Variants in NUP107 observed in about 807,000 individuals in gnomAD.
The protein encoded by NUP107 is nucleoporin 107, also known as nuclear pore complex protein Nup107.
NUP107 carries 101 observed loss-of-function variants against 141.0 expected under a neutral mutation model. The ratio of observed to expected loss-of-function variants is 0.72; its 90% CI spans 0.61 to 0.84. NUP107 has a LOEUF of 0.84. Ranked by LOEUF, NUP107 falls within the 40% of genes least tolerant of loss-of-function variation. NUP107 has a pLI of 0.00. For synonymous variants in NUP107, 319 were observed against 363.9 expected (o/e 0.88, Z 1.41); for missense variants, 941 against 1,102.7 (o/e 0.85, Z 2.08).
In NUP107 at chr12:68,709,427, C is replaced by T. The variant is rs562899072; in HGVS notation, c.801+118C>T. 1.2e-4 allele frequency: 70 copies of T among 564,064 alleles called. 1 individual carries two copies. The highest frequency in any genetic ancestry group is 1.2e-3 in the African/African-American group (62 of 52,396). 34.9% of individuals were successfully genotyped at this position (564,064 alleles called of 1,614,324 possible). A position where few individuals can be genotyped will look rare whatever the true frequency, so the allele number is the denominator to read the frequency against. ...TTTCTGAATTTTTTTTCTACTTGAT[C>T]TTTTTATTTGCAATTAAAAGGAATT... On this transcript the variant is annotated intron_variant, in intron 9 of 27. Transcript: ENST00000229179.
intron 8 of NUP107, chr12:68,706,659 C>T: frequency 1.4e-6 from 1 of 723,910 alleles, no homozygotes; most frequent in Non-Finnish European, 2.6e-6. Flanking sequence ...GCATGGGGAG[C>T]TGGCAGTTAA....
Position 68,722,094 on chromosome 12 carries a change from T to C in NUP107, c.1458-10T>C, listed in dbSNP as rs1443246152. The C allele has an allele frequency of 6.2e-7, 1 of 1,612,852 alleles. No individual in the cohort carries two copies. The highest frequency in any genetic ancestry group is 2.2e-5 in the East Asian group (1 of 44,862). On this transcript the variant is annotated splice_polypyrimidine_tract_variant and intron_variant, in intron 16 of 27. Coordinates refer to ENST00000229179, the MANE Select transcript of NUP107 (RefSeq NM_020401.4). The stretch of plus-strand genomic sequence containing the variant: ...TTAACATTATTCTTTTCCCGTTGTT[T>C]CTTTTGAAGCTGGACGTTAGAAAAG...
rs923201946 is a variant in NUP107, at chr12:68,698,027, C to CA, written c.552+1119dup. Among the ~76,000 whole-genome samples the CA allele has an allele frequency of 6.6e-3, 613 of 93,484 alleles. 3 individuals are homozygous for CA. Among genetic ancestry groups the CA allele is most frequent in the African/African-American group, 0.019 (460 of 24,668 alleles). The allele number at this position is 93,484 out of a possible 152,430, so 61.3% of individuals were successfully genotyped here. On this transcript the variant is annotated intron_variant, in intron 6 of 27. Transcript: ENST00000229179. The stretch of plus-strand genomic sequence containing the variant: ...CGGGCGATAGAGTGAGACTCCATCT[C>CA]AAAAAAAAAAAAAAGAAAGAAAAGA...
At chr12:68,713,136 G>C (rs1389262943) in intron 10 of NUP107, among the ~76,000 whole-genome samples, 4 of 151,632 alleles carry the variant, frequency 2.6e-5, no homozygotes, top group African/African-American at 9.7e-5. Context: ...ACTTTGGGAG[G>C]CTGAGGCAGA....
intron 13 of NUP107, 62 bp downstream of exon 13, chr12:68,719,493 C>A (rs1592511398): frequency 6.5e-7 from 1 of 1,549,134 alleles, no homozygotes; most frequent in East Asian, 2.2e-5. Context: ...AAATGCCAAT[C>A]TTTGTGAACT....
chr12:68,703,560 T>C (rs1876439660), intron 8 of NUP107, among the ~76,000 whole-genome samples: 1 of 151,856 alleles, frequency 6.6e-6, no homozygotes, highest in South Asian at 2.1e-4. Flanking sequence ...AAGTGATACT[T>C]CTGCCTCAGC....
intron 9 of NUP107, among the ~76,000 whole-genome samples, chr12:68,709,802 TGA>T (rs1876761629): frequency 2.6e-5 from 4 of 151,574 alleles, no homozygotes; most frequent in Non-Finnish European, 4.4e-5. Context: ...GGCAGGAGAA[TGA>T]CGTGAACCCA....
intron 13 of NUP107, 38 bp downstream of exon 13, chr12:68,719,469 A>T: frequency 6.3e-7 from 1 of 1,583,668 alleles, no homozygotes; most frequent in Non-Finnish European, 8.7e-7. Flanking sequence ...TTGAGGACAA[A>T]GGCATTTCGC....
At chr12:68,700,591 G>C in intron 6 of NUP107, 135 bp from the exon 7 acceptor site, 1 of 498,516 alleles carries the variant, frequency 2.0e-6, no homozygotes, top group Non-Finnish European at 3.3e-6. Context: ...AATTTAAAAA[G>C]ACAAAATAGA....
intron 5 of NUP107, among the ~76,000 whole-genome samples, chr12:68,692,997 G>T (rs1053767630): frequency 8.1e-4 from 123 of 151,996 alleles, no homozygotes; most frequent in African/African-American, 2.8e-3. Context: ...TGATCCACCC[G>T]CCTTGGCCTC....
intron 17 of NUP107, among the ~76,000 whole-genome samples, chr12:68,725,031 G>C (rs992857225): frequency 6.6e-6 from 1 of 152,096 alleles, no homozygotes; most frequent in South Asian, 2.1e-4. Context: ...AATGGCGCTG[G>C]CATAATTGGC....
intron 23 of NUP107, among the ~76,000 whole-genome samples, chr12:68,733,097 T>C (rs1045044893): frequency 2.8e-5 from 4 of 142,080 alleles, no homozygotes; most frequent in African/African-American, 1.1e-4. Context: ...AGCCACTCTT[T>C]ATCTATCAAA....
intron 8 of NUP107, 121 bp downstream of exon 8, chr12:68,702,905 G>T: frequency 2.0e-6 from 1 of 497,654 alleles, no homozygotes; most frequent in South Asian, 2.9e-5. Context: ...GGGCAATGGC[G>T]TGATCTCGGC....
At chr12:68,697,793 G>T (rs1876140015) in intron 6 of NUP107, among the ~76,000 whole-genome samples, 1 of 152,084 alleles carries the variant, frequency 6.6e-6, no homozygotes, top group Non-Finnish European at 1.5e-5. Context: ...ACTTTGGGAG[G>T]CCGAGGTGGG....
chr12:68,706,776 A>C (rs1479891413), intron 8 of NUP107: 4 of 759,896 alleles, frequency 5.3e-6, no homozygotes, highest in Non-Finnish European at 9.8e-6. Flanking sequence ...CTGGCCTTGG[A>C]CATCAAGATC....
intron 24 of NUP107, among the ~76,000 whole-genome samples, chr12:68,734,004 C>T (rs1332316442): frequency 6.6e-6 from 1 of 152,198 alleles, no homozygotes; most frequent in Non-Finnish European, 1.5e-5. Context: ...GATGCGGTGA[C>T]TCACGCCTAT....
intron 12 of NUP107, 42 bp downstream of exon 12, chr12:68,715,782 T>G: frequency 8.0e-7 from 1 of 1,251,116 alleles, no homozygotes; most frequent in Non-Finnish European, 1.2e-6. Context: ...CAAAAAGTCA[T>G]AGACTCTTTG....
chr12:68,731,897 G>A lies in NUP107; in HGVS notation c.1998+178G>A, dbSNP rs12320947. 0.05 allele frequency among the ~76,000 whole-genome samples: 7,619 copies of A among 152,152 alleles called. 634 individuals are homozygous for A. Among genetic ancestry groups the A allele is most frequent in the African/African-American group, 0.17 (7,208 of 41,470 alleles). Reference sequence around the variant, plus strand: ...CTTATGTAAAGGATTACTTATAGTAGTATGTTAAAGGAGCTTCTTTAATAG... The same window carrying A: ...CTTATGTAAAGGATTACTTATAGTAATATGTTAAAGGAGCTTCTTTAATAG... On this transcript the variant is annotated intron_variant, in intron 22 of 27. Transcript: ENST00000229179.
chr12:68,731,571 A>T, intron 21 of NUP107, 36 bp from the exon 22 acceptor site: 1 of 1,243,734 alleles, frequency 8.0e-7, no homozygotes, highest in Non-Finnish European at 1.1e-6. Context: ...ATCAATGATT[A>T]ATCTTTGTTT....
Sources: gnomAD v4.1 joint callset for allele counts (sites outside exome capture counted in the v4.1 genomes callset) on GRCh38, gnomAD v4.1.1 for gene constraint, MANE v1.5 for transcripts, NCBI Gene and HGNC (gene_info 2026-07-23, HGNC 2026-07-21) for gene names.